Variants in OSBP2 observed in about 807,000 individuals in gnomAD.
OSBP2 encodes oxysterol-binding protein 2.
In OSBP2, 66 loss-of-function variants were observed where a neutral mutation model predicts 96.0. The ratio of observed to expected loss-of-function variants is 0.69; its 90% CI spans 0.56 to 0.84. The LOEUF (loss-of-function observed/expected upper bound fraction) is 0.84, where lower values mean the gene tolerates loss of function less well. Ranked by LOEUF, OSBP2 falls within the 40% of genes least tolerant of loss-of-function variation. The pLI is 0.00. For synonymous variants in OSBP2, 525 were observed against 520.9 expected, an observed-to-expected ratio of 1.01 and a Z score of -0.11; for missense variants, 1,038 against 1,222.7, an observed-to-expected ratio of 0.85 and a Z score of 2.25.
At chr22:30,695,664 A>C in intron 1 of OSBP2, 111 bp downstream of exon 1, 1 of 1,499,234 alleles carries the variant, frequency 6.7e-7, no homozygotes, top group South Asian at 1.3e-5. Context: ...AGAGATGTTT[A>C]GGGGCATGCA....
intron 2 of OSBP2, among the ~76,000 whole-genome samples, chr22:30,774,776 C>T (rs1356201063): frequency 6.6e-6 from 1 of 152,160 alleles, no homozygotes. Context: ...GAGTATACAT[C>T]TGTGGCACCA....
intron 2 of OSBP2, among the ~76,000 whole-genome samples, chr22:30,751,228 G>C (rs1366149359): frequency 1.3e-5 from 2 of 152,024 alleles, no homozygotes; most frequent in Non-Finnish European, 2.9e-5. Flanking sequence ...CAATCACCTT[G>C]GCACATGTTC....
At chr22:30,816,197 A>G (rs2091081721) in intron 2 of OSBP2, among the ~76,000 whole-genome samples, 1 of 152,224 alleles carries the variant, frequency 6.6e-6, no homozygotes, top group Admixed American at 6.5e-5. Flanking sequence ...GTGTTGCTTT[A>G]ATAACCAACA....
chr22:30,849,750 A>T (rs1208175895), intron 2 of OSBP2, among the ~76,000 whole-genome samples: 1 of 152,130 alleles, frequency 6.6e-6, no homozygotes, highest in African/African-American at 2.4e-5. Flanking sequence ...TACTTATCAG[A>T]TGTTTCTATT....
At chr22:30,850,701 G>A (rs1429646797) in intron 2 of OSBP2, among the ~76,000 whole-genome samples, 3 of 152,264 alleles carry the variant, frequency 2.0e-5, no homozygotes, top group African/African-American at 7.2e-5. Flanking sequence ...GTTTCACCAT[G>A]TTGGCCATGC....
At chr22:30,770,347 C>T (rs1467200940) in intron 2 of OSBP2, among the ~76,000 whole-genome samples, 4 of 152,004 alleles carry the variant, frequency 2.6e-5, no homozygotes, top group Non-Finnish European at 1.5e-5. Flanking sequence ...CTGCCCATCT[C>T]GGCCTCCCAA....
intron 1 of OSBP2, among the ~76,000 whole-genome samples, chr22:30,739,217 C>G (rs1056718690): frequency 2.6e-5 from 4 of 152,216 alleles, no homozygotes; most frequent in African/African-American, 9.6e-5. Context: ...ATACCATTAG[C>G]TCCATCATCT....
chr22:30,710,476 A>C (rs893068514), intron 1 of OSBP2, among the ~76,000 whole-genome samples: 1 of 152,068 alleles, frequency 6.6e-6, no homozygotes, highest in Non-Finnish European at 1.5e-5. Context: ...CCATGTCTTT[A>C]GTTAGTGGAA....
intron 2 of OSBP2, among the ~76,000 whole-genome samples, chr22:30,771,954 G>C (rs909367642): frequency 3.9e-5 from 6 of 152,194 alleles, no homozygotes; most frequent in African/African-American, 1.4e-4. Flanking sequence ...GACACAGAAG[G>C]AACATTCTCT....
chr22:30,804,771 A>C (rs982975685), intron 2 of OSBP2, among the ~76,000 whole-genome samples: 1 of 152,194 alleles, frequency 6.6e-6, no homozygotes, highest in African/African-American at 2.4e-5. Flanking sequence ...TTTTGGCCAG[A>C]TGAATGAACG....
chr22:30,886,119 G>A (rs547058421), intron 3 of OSBP2, among the ~76,000 whole-genome samples: 2 of 152,250 alleles, frequency 1.3e-5, no homozygotes, highest in Non-Finnish European at 1.5e-5. Flanking sequence ...ATAGCTCTTG[G>A]GAGGTCCTGA....
chr22:30,861,809 C>A (rs1045706288), intron 2 of OSBP2, among the ~76,000 whole-genome samples: 1 of 152,192 alleles, frequency 6.6e-6, no homozygotes, highest in Non-Finnish European at 1.5e-5. Flanking sequence ...GGGCGCTGCT[C>A]CTGCTCCCAG....
intron 1 of OSBP2, among the ~76,000 whole-genome samples, chr22:30,696,243 T>C (rs2089031678): frequency 6.6e-6 from 1 of 152,194 alleles, no homozygotes; most frequent in South Asian, 2.1e-4. Flanking sequence ...CTGAAACTGG[T>C]TGAAAGGAGG....
intron 1 of OSBP2, among the ~76,000 whole-genome samples, chr22:30,737,215 C>G (rs2089869296): frequency 6.6e-6 from 1 of 151,894 alleles, no homozygotes; most frequent in South Asian, 2.1e-4. Flanking sequence ...GGGATTTCAC[C>G]ATGTTGGCCA....
Position 30,893,575 on chromosome 22 carries a change from C to T in OSBP2, c.2094+9C>T, listed in dbSNP as rs776881243. On this transcript the variant is annotated intron_variant, in intron 10 of 13. Transcript: ENST00000332585. ...AGCTCTGGATCGACCAGGTCAGGGG[C>T]GCCCTTGGGGAGGGGGTGCATGGCC... 38 of 1,613,310 alleles carry T rather than the reference C, an allele frequency of 2.4e-5. No individual in the cohort carries two copies. Among genetic ancestry groups the T allele is most frequent in the African/African-American group, 6.7e-5 (5 of 75,032 alleles).
chr22:30,694,359 G>C, upstream of OSBP2: 1 of 1,528,624 alleles, frequency 6.5e-7, no homozygotes, highest in Non-Finnish European at 8.8e-7. Context: ...TGGCTGCCAT[G>C]GGGGGCGGGG....
At chr22:30,798,367 C>A (rs186851887) in intron 2 of OSBP2, among the ~76,000 whole-genome samples, 1,897 of 152,240 alleles carry the variant, frequency 0.012, 21 homozygotes, top group Non-Finnish European at 0.02. Context: ...TTTCTCACAT[C>A]CTGTGGTTTT....
At chr22:30,902,410 CT>C in intron 12 of OSBP2, 1 of 1,571,058 alleles carries the variant, frequency 6.4e-7, no homozygotes, top group Non-Finnish European at 8.7e-7. Flanking sequence ...CGATGGTGCA[CT>C]GTTGGGCAAT....
In OSBP2 at chr22:30,822,889, C is replaced by T. The variant is rs1244469886; in HGVS notation, c.854-47540C>T. Among the ~76,000 whole-genome samples the T allele has an allele frequency of 2.0e-5, 3 of 152,310 alleles. No individual in the cohort carries two copies. In the East Asian group the frequency reaches 5.8e-4, roughly 29 times the overall value. ...CCCGCACCCCGCCGGCGTGCGCTCC[C>T]GGCTTGCTTCACGCGCGGGGCATTT... On this transcript the variant is annotated intron_variant, in intron 2 of 13. Coordinates refer to ENST00000332585, the MANE Select transcript of OSBP2 (RefSeq NM_030758.4).
Sources: allele counts gnomAD v4.1 joint callset (sites outside exome capture counted in the v4.1 genomes callset), GRCh38; gene constraint gnomAD v4.1.1; transcripts MANE v1.5; gene names NCBI Gene and HGNC (gene_info 2026-07-23, HGNC 2026-07-21).